Variants in CEP112 observed in about 807,000 individuals in gnomAD.
CEP112 encodes the protein centrosomal protein of 112 kDa.
A neutral mutation model predicts 153.0 loss-of-function variants in CEP112; 127 were observed. The ratio of observed to expected loss-of-function variants is 0.83; its 90% CI spans 0.72 to 0.96. CEP112 has a LOEUF of 0.96. Ranked by LOEUF, CEP112 falls within the 40% of genes least tolerant of loss-of-function variation. CEP112 has a pLI of 0.00. For missense variants in CEP112, 1,089 were observed against 1,101.2 expected, an observed-to-expected ratio of 0.99 and a Z score of 0.16; for synonymous variants, 358 against 374.4, an observed-to-expected ratio of 0.96 and a Z score of 0.51.
intron 21 of CEP112, among the ~76,000 whole-genome samples, chr17:65,790,692 T>C (rs1275645556): frequency 6.6e-6 from 1 of 152,212 alleles, no homozygotes; most frequent in Non-Finnish European, 1.5e-5. Flanking sequence ...TGCTTTTGGC[T>C]TTTCACAGTG....
At chr17:66,092,135 G>A (rs777620358) in intron 8 of CEP112, among the ~76,000 whole-genome samples, 1 of 151,490 alleles carries the variant, frequency 6.6e-6, no homozygotes, top group Non-Finnish European at 1.5e-5. Flanking sequence ...CACCTCCCAG[G>A]TTCAAGCGAT....
chr17:65,870,069 G>GAAAGAAAGAAAGAAAGAAAGAAAGAA (rs1555689570), intron 20 of CEP112, among the ~76,000 whole-genome samples: 1 of 142,958 alleles, frequency 7.0e-6, no homozygotes, highest in Non-Finnish European at 1.5e-5. Context: ...AAGAAAGAAA[G>GAAAGAAAGAAAGAAAGAAAGAAAGAA]AAAGAAAGAA....
intron 23 of CEP112, among the ~76,000 whole-genome samples, chr17:65,712,040 A>G (rs1423939430): frequency 6.6e-6 from 1 of 152,182 alleles, no homozygotes; most frequent in South Asian, 2.1e-4. Context: ...AATTTGCATC[A>G]CAGAGTCCAT....
At chr17:65,907,476 C>T (rs181060938) in intron 19 of CEP112, among the ~76,000 whole-genome samples, 1 of 152,206 alleles carries the variant, frequency 6.6e-6, no homozygotes, top group Non-Finnish European at 1.5e-5. Context: ...TTTTACCTCT[C>T]CTGCTTGAAC....
intron 8 of CEP112, among the ~76,000 whole-genome samples, chr17:66,087,318 T>C (rs2067975986): frequency 6.6e-6 from 1 of 152,170 alleles, no homozygotes; most frequent in Non-Finnish European, 1.5e-5. Flanking sequence ...AAGTGATGAT[T>C]TCCTTTCAAT....
chr17:65,723,299 T>C (rs1191881360), intron 23 of CEP112, among the ~76,000 whole-genome samples: 1 of 152,126 alleles, frequency 6.6e-6, no homozygotes, highest in African/African-American at 2.4e-5. Flanking sequence ...AAAAACAAAA[T>C]GAAATCAGAT....
intron 18 of CEP112, among the ~76,000 whole-genome samples, chr17:65,933,764 C>T (rs928372489): frequency 4.6e-5 from 7 of 152,144 alleles, no homozygotes; most frequent in African/African-American, 1.4e-4. Context: ...AAGTAAAAAA[C>T]TCAATGGTAT....
At chr17:66,090,581 A>G (rs1211417038) in intron 8 of CEP112, among the ~76,000 whole-genome samples, 1 of 152,110 alleles carries the variant, frequency 6.6e-6, no homozygotes, top group Non-Finnish European at 1.5e-5. Context: ...TTCAAAGCAT[A>G]CCACTACAGA....
chr17:65,823,441 C>G (rs1449484141), intron 21 of CEP112, among the ~76,000 whole-genome samples: 1 of 152,168 alleles, frequency 6.6e-6, no homozygotes, highest in Non-Finnish European at 1.5e-5. Context: ...AAAGGATAGT[C>G]TTTTCAACAA....
intron 21 of CEP112, among the ~76,000 whole-genome samples, chr17:65,759,290 T>C (rs1446432307): frequency 1.3e-5 from 2 of 152,136 alleles, no homozygotes; most frequent in Admixed American, 6.5e-5. Context: ...GGAGTAACCA[T>C]TCTTTTATTC....
intron 20 of CEP112, among the ~76,000 whole-genome samples, chr17:65,889,192 G>T (rs1369730596): frequency 6.6e-6 from 1 of 152,102 alleles, no homozygotes; most frequent in African/African-American, 2.4e-5. Flanking sequence ...GCCTGTGTCT[G>T]TCAGTAATGG....
chr17:66,168,493 GTA>G (rs1261487752), intron 4 of CEP112, among the ~76,000 whole-genome samples: 10 of 150,568 alleles, frequency 6.6e-5, no homozygotes, highest in East Asian at 5.8e-4. Flanking sequence ...ATGTGTGTGT[GTA>G]TATATATGTA....
chr17:65,975,742 C>CT (rs2063009371), intron 17 of CEP112, among the ~76,000 whole-genome samples: 1 of 152,056 alleles, frequency 6.6e-6, no homozygotes, highest in South Asian at 2.1e-4. Flanking sequence ...AACTGAAAGC[C>CT]TTTTTTGGAA....
chr17:66,181,966 C>A (rs536136802), intron 2 of CEP112: 24 of 152,304 alleles, frequency 1.6e-4, no homozygotes, highest in African/African-American at 5.8e-4. Flanking sequence ...TGGCAACTTA[C>A]CCAGGACTAG....
rs75278542 is a variant in CEP112, at chr17:65,712,422, A to C, written c.2608-23204T>G. ...TATTCTGTATTTATATGTCAGGTGG[A>C]ACGCTGCCTGGAGAAATGACGGCTA... On this transcript the variant is annotated intron_variant, in intron 23 of 26. Transcript: ENST00000535342. Among the ~76,000 whole-genome samples the C allele has an allele frequency of 1.7e-3, 255 of 152,282 alleles. 3 individuals are homozygous for C. Among genetic ancestry groups the C allele is most frequent in the African/African-American group, 6.1e-3 (252 of 41,546 alleles).
intron 12 of CEP112, among the ~76,000 whole-genome samples, chr17:66,034,811 G>C (rs907901372): frequency 6.6e-6 from 1 of 150,574 alleles, no homozygotes; most frequent in Non-Finnish European, 1.5e-5. Context: ...TTTTGTTTTC[G>C]TTTTTGTTTT....
At chr17:65,774,086 C>CAAAA (rs10647121) in intron 21 of CEP112, among the ~76,000 whole-genome samples, 2 of 125,662 alleles carry the variant, frequency 1.6e-5, no homozygotes, top group African/African-American at 5.8e-5. Context: ...GGCTCCATCT[C>CAAAA]AAAAAAAAAA....
At chr17:65,794,486 T>A (rs1568023626) in intron 21 of CEP112, among the ~76,000 whole-genome samples, 4 of 152,214 alleles carry the variant, frequency 2.6e-5, no homozygotes, top group African/African-American at 9.6e-5. Context: ...TTTCTCCACA[T>A]CCCACCACTT....
chr17:66,101,233 A>T (rs995640595), intron 6 of CEP112, among the ~76,000 whole-genome samples: 2 of 152,148 alleles, frequency 1.3e-5, no homozygotes, highest in Non-Finnish European at 2.9e-5. Flanking sequence ...CAACTGTAAC[A>T]TACATCATAT....
Sources: allele counts gnomAD v4.1 joint callset (sites outside exome capture counted in the v4.1 genomes callset), GRCh38; gene constraint gnomAD v4.1.1; transcripts MANE v1.5; gene names NCBI Gene and HGNC (gene_info 2026-07-23, HGNC 2026-07-21).